The following ZNF407 variants were observed in gnomAD, a reference collection of about 807,000 sequenced individuals.
ZNF407 encodes the protein zinc finger protein 407.
In ZNF407, 17 loss-of-function variants were observed where a neutral mutation model predicts 131.2. That is an observed-to-expected ratio of 0.13 (90% CI 0.09 to 0.19). The LOEUF (loss-of-function observed/expected upper bound fraction) is 0.19, where lower values mean the gene tolerates loss of function less well. Among genes scored for constraint, ZNF407 ranks in the 10% least tolerant of loss-of-function variants. ZNF407 has a pLI of 1.00. For missense variants in ZNF407, 2,681 were observed against 2,830.6 expected, an observed-to-expected ratio of 0.95 and a Z score of 1.20; for synonymous variants, 1,156 against 1,062.0, an observed-to-expected ratio of 1.09 and a Z score of -1.72.
intron 3 of ZNF407, among the ~76,000 whole-genome samples, chr18:74,672,517 T>C (rs1315998008): frequency 6.7e-6 from 1 of 149,952 alleles, no homozygotes; most frequent in East Asian, 2.0e-4. Flanking sequence ...TCTCTGTTCG[T>C]TGGAGCACCG....
At position 74,650,005 on chromosome 18, in the gene ZNF407, T is replaced by G. The variant is rs116458039; in HGVS notation, c.4802+8883T>G. Among the ~76,000 whole-genome samples the G allele has an allele frequency of 2.6e-3, 391 of 152,330 alleles. 1 individual carries two copies. Among genetic ancestry groups the G allele is most frequent in the African/African-American group, 9.0e-3 (373 of 41,582 alleles). ...AGAATTAACTATTAAGTGATGAAGATACACAAGCAATTTGGGTATTCATTG... is the reference window on the plus strand; with the variant it reads ...AGAATTAACTATTAAGTGATGAAGAGACACAAGCAATTTGGGTATTCATTG... On this transcript the variant is annotated intron_variant, in intron 3 of 8. Coordinates refer to ENST00000299687, the MANE Select transcript of ZNF407 (RefSeq NM_017757.3).
At chr18:74,966,754 T>C (rs1299516034) in intron 8 of ZNF407, among the ~76,000 whole-genome samples, 1 of 152,206 alleles carries the variant, frequency 6.6e-6, no homozygotes, top group African/African-American at 2.4e-5. Context: ...TTGGGTGATA[T>C]GGACATTATA....
rs529227077 is a variant in ZNF407 at position 74,738,155 on chromosome 18, C to T, written c.4803-43273C>T. Among the ~76,000 whole-genome samples the T allele has an allele frequency of 1.8e-3, 278 of 152,182 alleles. 3 individuals carry two copies. Among genetic ancestry groups the T allele is most frequent in the African/African-American group, 6.5e-3 (271 of 41,516 alleles). On this transcript the variant is annotated intron_variant, in intron 3 of 8. Coordinates refer to ENST00000299687, the MANE Select transcript of ZNF407 (RefSeq NM_017757.3). Reference sequence around the variant, plus strand: ...GGGGACGTTGGGCCAGGTGCGGTGGCTCACACCTGTAATCCCAGCACTTTG... The same window carrying T: ...GGGGACGTTGGGCCAGGTGCGGTGGTTCACACCTGTAATCCCAGCACTTTG...
chr18:75,064,327 C>CG lies in ZNF407; in HGVS notation c.6610dup (p.Ala2204GlyfsTer71). 1 of 1,596,270 alleles carries CG rather than the reference C, an allele frequency of 6.3e-7. No homozygotes were observed. The highest frequency in any genetic ancestry group is 8.5e-7 in the Non-Finnish European group (1 of 1,172,312). ...CGGACTCGCAGGAACTCCTGCAGGCCGGGGCCACGCTAGGCACAGAGGCCG... is the reference window on the plus strand; with the variant it reads ...CGGACTCGCAGGAACTCCTGCAGGCCGGGGGCCACGCTAGGCACAGAGGCCG... On this transcript the variant is annotated frameshift_variant, in exon 9 of 9. Coordinates refer to ENST00000299687, the MANE Select transcript of ZNF407 (RefSeq NM_017757.3). LOFTEE classifies it low-confidence loss of function (END_TRUNC).
At chr18:74,804,130 TTTCA>T in intron 4 of ZNF407, 6 of 1,508,910 alleles carry the variant, frequency 4.0e-6, no homozygotes, top group African/African-American at 1.4e-5. Context: ...GTTAGACATA[TTTCA>T]TTGTCTTTTT....
chr18:74,630,127 A>G (rs890851238), intron 1 of ZNF407, among the ~76,000 whole-genome samples: 4 of 151,634 alleles, frequency 2.6e-5, no homozygotes, highest in Non-Finnish European at 5.9e-5. Context: ...AATCATGGTA[A>G]AGCTCTTTGC....
chr18:74,966,670 T>C (rs966025830), intron 8 of ZNF407, among the ~76,000 whole-genome samples: 3 of 152,162 alleles, frequency 2.0e-5, no homozygotes, highest in African/African-American at 7.2e-5. Context: ...TTCATATAAA[T>C]TTTAGGATTT....
intron 4 of ZNF407, among the ~76,000 whole-genome samples, chr18:74,840,997 A>G (rs772794436): frequency 3.2e-4 from 49 of 152,280 alleles, no homozygotes; most frequent in Admixed American, 1.8e-3. Flanking sequence ...GTTCTCTTAG[A>G]GAAAACCCAG....
intron 3 of ZNF407, among the ~76,000 whole-genome samples, chr18:74,648,120 C>A (rs1407912054): frequency 6.6e-6 from 1 of 152,086 alleles, no homozygotes; most frequent in Non-Finnish European, 1.5e-5. Context: ...AAGGTCAAAA[C>A]GACACCTGCC....
At chr18:75,020,346 A>G (rs927751335) in intron 8 of ZNF407, among the ~76,000 whole-genome samples, 9 of 151,662 alleles carry the variant, frequency 5.9e-5, no homozygotes, top group Admixed American at 5.9e-4. Context: ...GTGTGTATAT[A>G]TATATAGGAT....
intron 4 of ZNF407, among the ~76,000 whole-genome samples, chr18:74,798,701 G>GT (rs1243212419): frequency 6.6e-6 from 1 of 152,150 alleles, no homozygotes; most frequent in African/African-American, 2.4e-5. Flanking sequence ...AGGTTGAGTA[G>GT]TAAGGATATT....
rs949976667 is a variant in ZNF407 at position 74,635,826 on chromosome 18, G to A, written c.4687+120G>A. ...TCCACCCGGTTCACATTTCACTGCC[G>A]TGTGCTGCTCTGCTTGTCTGCAATA... On this transcript the variant is annotated intron_variant, in intron 2 of 8. Transcript: ENST00000299687. This position sits in a 1 kb window ranked among gnomAD's most constrained non-coding sequence, Gnocchi z 4.7. 3.7e-5 allele frequency: 50 copies of A among 1,350,044 alleles called. No homozygotes were observed. Among genetic ancestry groups the A allele is most frequent in the Non-Finnish European group, 4.5e-5 (45 of 997,926 alleles). 83.6% of individuals were successfully genotyped at this position (1,350,044 alleles called of 1,614,324 possible).
chr18:74,661,172 G>A (rs1041576631), intron 3 of ZNF407, among the ~76,000 whole-genome samples: 1 of 152,074 alleles, frequency 6.6e-6, no homozygotes, highest in Non-Finnish European at 1.5e-5. Context: ...GGGTTACACT[G>A]TTAGGTTAAA....
chr18:75,011,254 C>T (rs1225669048), intron 8 of ZNF407, among the ~76,000 whole-genome samples: 2 of 152,160 alleles, frequency 1.3e-5, no homozygotes, highest in East Asian at 1.9e-4. Context: ...AATCACTGCT[C>T]ATAGCACTGT....
intron 1 of ZNF407, among the ~76,000 whole-genome samples, chr18:74,608,092 A>G (rs980261095): frequency 6.6e-6 from 1 of 152,224 alleles, no homozygotes; most frequent in Non-Finnish European, 1.5e-5. Flanking sequence ...AAATAATTTT[A>G]GAAAAAAGAA....
At chr18:74,939,631 C>A (rs568433251) in intron 8 of ZNF407, among the ~76,000 whole-genome samples, 3 of 152,300 alleles carry the variant, frequency 2.0e-5, no homozygotes, top group African/African-American at 7.2e-5. Context: ...CGACAGAAAT[C>A]TAAAAGGTTG....
At chr18:74,929,538 T>C (rs190625430) in intron 8 of ZNF407, among the ~76,000 whole-genome samples, 10 of 152,340 alleles carry the variant, frequency 6.6e-5, no homozygotes, top group Admixed American at 2.0e-4. Flanking sequence ...TTTTTACTTT[T>C]ATATAGACTT....
chr18:74,841,085 G>T (rs554049983), intron 4 of ZNF407, among the ~76,000 whole-genome samples: 2 of 152,326 alleles, frequency 1.3e-5, no homozygotes, highest in Non-Finnish European at 2.9e-5. Context: ...GGTGTGCTGG[G>T]CTCTTCGCAA....
chr18:74,947,680 C>T (rs1972168744), intron 8 of ZNF407, among the ~76,000 whole-genome samples: 1 of 151,680 alleles, frequency 6.6e-6, no homozygotes, highest in South Asian at 2.1e-4. Context: ...GGCAACGGTG[C>T]CAAGATCAGA....
Sources: allele counts gnomAD v4.1 joint callset (sites outside exome capture counted in the v4.1 genomes callset), GRCh38; gene constraint gnomAD v4.1.1; non-coding constraint Gnocchi (gnomAD v3.1); transcripts MANE v1.5; gene names NCBI Gene and HGNC (gene_info 2026-07-23, HGNC 2026-07-21).